The following LRRC7 variants were observed in gnomAD, a reference collection of about 807,000 sequenced individuals.
LRRC7 encodes the protein leucine rich repeat containing 7.
LRRC7 carries 23 observed loss-of-function variants against 175.7 expected under a neutral mutation model. That is an observed-to-expected ratio of 0.13 (90% CI 0.09 to 0.19). The LOEUF (loss-of-function observed/expected upper bound fraction) is 0.19. Ranked by LOEUF, LRRC7 falls within the 10% of genes least tolerant of loss-of-function variation. LRRC7 has a pLI of 1.00. For synonymous variants in LRRC7, 685 were observed against 680.9 expected, an observed-to-expected ratio of 1.01 and a Z score of -0.09; for missense variants, 1,354 against 1,904.7, an observed-to-expected ratio of 0.71 and a Z score of 5.38.
chr1:69,760,328 T>G lies in LRRC7; in HGVS notation c.238T>G (p.Phe80Val). The G allele has an allele frequency of 6.2e-7, 1 of 1,612,948 alleles. No individual in the cohort carries two copies. Among genetic ancestry groups the G allele is most frequent in the Non-Finnish European group, 8.5e-7 (1 of 1,179,326 alleles). ...TCTTCAGCAGGTGCCAAAGGAGGTC[T>G]TTAACTTCGAACGAACATTAGAGGA... ...CSLQQVPKEV[F>V]NFERTLEELY... Residue 80 changes from phenylalanine (F) to valine (V), a missense_variant, in exon 3 of 27, where the codon TTT becomes GTT. Coordinates refer to ENST00000651989, the MANE Select transcript of LRRC7 (RefSeq NM_001370785.2).
At chr1:69,890,095 T>A (rs1029901962) in intron 7 of LRRC7, among the ~76,000 whole-genome samples, 25 of 152,220 alleles carry the variant, frequency 1.6e-4, no homozygotes, top group African/African-American at 4.6e-4. Context: ...TGATCTCCTC[T>A]CATAAATTAT....
chr1:69,703,215 T>A (rs1663593087), intron 2 of LRRC7, among the ~76,000 whole-genome samples: 1 of 152,032 alleles, frequency 6.6e-6, no homozygotes, highest in South Asian at 2.1e-4. Flanking sequence ...TCTTGAAAAA[T>A]TTCACAGGAC....
chr1:69,988,910 A>G (rs527966765), intron 10 of LRRC7, among the ~76,000 whole-genome samples: 1 of 152,330 alleles, frequency 6.6e-6, no homozygotes, highest in African/African-American at 2.4e-5. Flanking sequence ...ATGAGCTTGC[A>G]AACAAAAATG....
chr1:69,774,856 G>A (rs1013119005), intron 3 of LRRC7, among the ~76,000 whole-genome samples: 8 of 150,794 alleles, frequency 5.3e-5, no homozygotes, highest in Admixed American at 1.3e-4. Context: ...ATAAATACAC[G>A]ATCTCTACAA....
intron 1 of LRRC7, among the ~76,000 whole-genome samples, chr1:69,596,863 C>G (rs1646865775): frequency 6.6e-6 from 1 of 152,206 alleles, no homozygotes; most frequent in African/African-American, 2.4e-5. Flanking sequence ...CCTCTTTCTC[C>G]TCTTTCACTG....
chr1:69,843,214 C>CT (rs1681933330), intron 7 of LRRC7, among the ~76,000 whole-genome samples: 1 of 146,318 alleles, frequency 6.8e-6, no homozygotes, highest in African/African-American at 2.5e-5. Context: ...AAAACAACAA[C>CT]AAAAAAAAAA....
Position 69,801,380 on chromosome 1 carries a change from A to G in LRRC7, c.421+9220A>G, listed in dbSNP as rs1213806567. Among the ~76,000 whole-genome samples the G allele has an allele frequency of 4.0e-5, 6 of 151,568 alleles. No individual in the cohort carries two copies. In the South Asian group the frequency reaches 1.2e-3, roughly 32 times the overall value. ...TTTTTGGGGAGATGCCTTATTACTG[A>G]TTCTATCTCACCACTCATCATTGAT... On this transcript the variant is annotated intron_variant, in intron 4 of 26. Coordinates refer to ENST00000651989, the MANE Select transcript of LRRC7 (RefSeq NM_001370785.2).
chr1:69,780,773 G>A lies in LRRC7; in HGVS notation c.304-11270G>A, dbSNP rs561055340. On this transcript the variant is annotated intron_variant, in intron 3 of 26. Transcript: ENST00000651989. ...TGAACATCTTTAAAGGAATTCAAAG[G>A]AAGAACTTCTAAGAAACCAGCCATT... 2.4e-4 allele frequency among the ~76,000 whole-genome samples: 37 copies of A among 152,168 alleles called. 1 individual carries two copies. Among genetic ancestry groups the A allele is most frequent in the Non-Finnish European group, 1.5e-5 (1 of 67,992 alleles).
intron 7 of LRRC7, among the ~76,000 whole-genome samples, chr1:69,871,912 T>C (rs1267006338): frequency 6.6e-6 from 1 of 151,994 alleles, no homozygotes; most frequent in Non-Finnish European, 1.5e-5. Context: ...TTTGCCAAAT[T>C]TTTCTAATGT....
At chr1:69,662,623 GT>G (rs1399774933) in intron 1 of LRRC7, among the ~76,000 whole-genome samples, 1 of 152,138 alleles carries the variant, frequency 6.6e-6, no homozygotes, top group Non-Finnish European at 1.5e-5. Flanking sequence ...TTAACATGTG[GT>G]TTCTTTTCAC....
At position 69,865,469 on chromosome 1, in the gene LRRC7, C is replaced by CTTTTTTTTTTTTTTTTTTTTTT. The variant is rs532063540; in HGVS notation, c.647+27190_647+27211dup. Reference sequence around the variant, plus strand: ...ATAAGCAAGCTGCTGAAGACAGTTCCTTTTTTTTTTTTTTTTTTTTTTTTT... The same window carrying CTTTTTTTTTTTTTTTTTTTTTT: ...ATAAGCAAGCTGCTGAAGACAGTTCCTTTTTTTTTTTTTTTTTTTTTTTTTTTTTTTTTTTTTTTTTTTTTTT... On this transcript the variant is annotated intron_variant, in intron 7 of 26. Coordinates refer to ENST00000651989, the MANE Select transcript of LRRC7 (RefSeq NM_001370785.2). Among the ~76,000 whole-genome samples, 76 of 51,260 alleles carry CTTTTTTTTTTTTTTTTTTTTTT rather than the reference C, an allele frequency of 1.5e-3. 22 individuals carry two copies. The highest frequency in any genetic ancestry group is 2.6e-3 in the African/African-American group (32 of 12,322). 33.6% of individuals were successfully genotyped at this position (51,260 alleles called of 152,430 possible).
chr1:69,617,317 C>A (rs1649788198), intron 1 of LRRC7, among the ~76,000 whole-genome samples: 1 of 151,842 alleles, frequency 6.6e-6, no homozygotes, highest in South Asian at 2.1e-4. Context: ...CAAAAGCAAT[C>A]ATATTATTTA....
chr1:69,878,913 TTA>T (rs1443337634), intron 7 of LRRC7, among the ~76,000 whole-genome samples: 4 of 148,242 alleles, frequency 2.7e-5, no homozygotes, highest in African/African-American at 7.4e-5. Context: ...ATACATATAT[TTA>T]TATATATGGT....
At chr1:69,936,069 G>C (rs1647985088) in intron 8 of LRRC7, among the ~76,000 whole-genome samples, 1 of 151,994 alleles carries the variant, frequency 6.6e-6, no homozygotes, top group South Asian at 2.1e-4. Flanking sequence ...TTTCCACATG[G>C]ATATGAGTAT....
chr1:70,064,136 C>G (rs1661789373), intron 23 of LRRC7, among the ~76,000 whole-genome samples: 3 of 151,966 alleles, frequency 2.0e-5, no homozygotes, highest in Admixed American at 2.0e-4. Context: ...AACCCCAGGA[C>G]AGGAGAAGGA....
chr1:69,872,532 A>G (rs1331269054), intron 7 of LRRC7, among the ~76,000 whole-genome samples: 1 of 152,068 alleles, frequency 6.6e-6, no homozygotes, highest in Admixed American at 6.6e-5. Context: ...CCAAATACCC[A>G]TACTTTATTA....
intron 4 of LRRC7, among the ~76,000 whole-genome samples, chr1:69,810,798 A>G (rs1677749861): frequency 6.6e-6 from 1 of 152,092 alleles, no homozygotes; most frequent in Admixed American, 6.6e-5. Flanking sequence ...ACTTAAATAT[A>G]AAACCTAAAA....
At chr1:69,609,459 G>A (rs1241882350) in intron 1 of LRRC7, among the ~76,000 whole-genome samples, 2 of 151,870 alleles carry the variant, frequency 1.3e-5, no homozygotes, top group African/African-American at 2.4e-5. Flanking sequence ...AAGTAAAAGT[G>A]CAAGGAAGAA....
At chr1:69,589,763 T>A (rs988104981) in intron 1 of LRRC7, among the ~76,000 whole-genome samples, 2 of 152,170 alleles carry the variant, frequency 1.3e-5, no homozygotes, top group Non-Finnish European at 2.9e-5. Context: ...TTTTTCTAGA[T>A]GGTGAAACAC....
Sources: allele counts gnomAD v4.1 joint callset (sites outside exome capture counted in the v4.1 genomes callset), GRCh38; gene constraint gnomAD v4.1.1; transcripts MANE v1.5; gene names NCBI Gene and HGNC (gene_info 2026-07-23, HGNC 2026-07-21).